FRY: variants seen among roughly 807,000 people sequenced by gnomAD.
FRY encodes the protein protein furry homolog.
A neutral mutation model predicts 348.4 loss-of-function variants in FRY; 128 were observed. The observed-to-expected ratio is 0.37, with a 90% CI of 0.32 to 0.43. FRY has a LOEUF of 0.43. Ranked by LOEUF, FRY falls within the 20% of genes least tolerant of loss-of-function variation. The pLI, the probability that FRY is intolerant of heterozygous loss-of-function variation, is 1.00. For synonymous variants in FRY, 1,370 were observed against 1,374.7 expected, an observed-to-expected ratio of 1.00 and a Z score of 0.08; for missense variants, 2,736 against 3,695.2, an observed-to-expected ratio of 0.74 and a Z score of 6.73.
At position 32,265,622 on chromosome 13, in the gene FRY, G is replaced by A; in HGVS notation, c.7946+6G>A. On this transcript the variant is annotated splice_donor_region_variant and intron_variant, in intron 54 of 60. Transcript: ENST00000542859. ...GACCAGTTTACCCTGGCGAGGTAAT[G>A]GAGCCCTTGGCTGATGTGAGTGGTG... The A allele has an allele frequency of 1.2e-6, 2 of 1,613,386 alleles. No homozygotes were observed. The highest frequency in any genetic ancestry group is 1.7e-6 in the Non-Finnish European group (2 of 1,179,580).
intron 2 of FRY, among the ~76,000 whole-genome samples, chr13:32,099,497 T>G (rs535001754): frequency 6.6e-6 from 1 of 152,044 alleles, no homozygotes; most frequent in African/African-American, 2.4e-5. Context: ...AAAATTCAAG[T>G]TGTCCGAGTT....
chr13:32,052,826 G>A (rs1348089091), intron 1 of FRY, among the ~76,000 whole-genome samples: 1 of 152,160 alleles, frequency 6.6e-6, no homozygotes. Flanking sequence ...TAAAAATTAA[G>A]TTTCTGGCTG....
At chr13:32,049,672 G>A (rs865906168) in intron 1 of FRY, among the ~76,000 whole-genome samples, 3 of 152,286 alleles carry the variant, frequency 2.0e-5, no homozygotes, top group Admixed American at 6.5e-5. Flanking sequence ...GAGAATGGAG[G>A]TAGGGACAAT....
chr13:32,124,783 T>C lies in FRY; in HGVS notation c.636-12T>C, dbSNP rs751596779. ...CAGGGATCCCTAACTTGTCTAATTATACCCTACTTAGGTACCTTGGTCCCA... is the reference window on the plus strand; with the variant it reads ...CAGGGATCCCTAACTTGTCTAATTACACCCTACTTAGGTACCTTGGTCCCA... On this transcript the variant is annotated splice_polypyrimidine_tract_variant and intron_variant, in intron 6 of 60. Transcript: ENST00000542859. The C allele has an allele frequency of 5.0e-6, 8 of 1,597,200 alleles. No homozygotes were observed. The South Asian group carries it at 8.8e-5, about 18-fold the overall frequency.
intron 1 of FRY, among the ~76,000 whole-genome samples, chr13:32,065,303 A>AT (rs1354171901): frequency 1.3e-5 from 2 of 152,090 alleles, no homozygotes; most frequent in Non-Finnish European, 2.9e-5. Flanking sequence ...TTTCACTCTA[A>AT]TTAAAAAAAA....
At position 32,124,354 on chromosome 13, in the gene FRY, T is replaced by G. The variant is rs1292255604; in HGVS notation, c.533T>G (p.Val178Gly). The G allele has an allele frequency of 1.3e-6, 2 of 1,569,868 alleles. No individual in the cohort carries two copies. ...DLAIDFIFSL[V>G]LIEVLKQIPL... ...GCCATTGATTTTATTTTTTCTTTAGTATTAATAGAAGTTTTGAAACAGGTA... is the reference window on the plus strand; with the variant it reads ...GCCATTGATTTTATTTTTTCTTTAGGATTAATAGAAGTTTTGAAACAGGTA... Residue 178 changes from valine (V) to glycine (G), a missense_variant, in exon 5 of 61, where the codon GTA (valine) becomes GGA (glycine). Transcript: ENST00000542859.
chr13:32,116,244 C>T (rs76567041), intron 3 of FRY, among the ~76,000 whole-genome samples: 5,250 of 152,056 alleles, frequency 0.035, 94 homozygotes, highest in African/African-American at 0.049. Flanking sequence ...TTTCTATCAG[C>T]GGTATATGAA....
intron 35 of FRY, among the ~76,000 whole-genome samples, chr13:32,214,609 A>T (rs1189998925): frequency 3.9e-5 from 6 of 152,160 alleles, no homozygotes; most frequent in Non-Finnish European, 8.8e-5. Context: ...GGCATTTTAA[A>T]GTGTTTATTT....
intron 19 of FRY, among the ~76,000 whole-genome samples, chr13:32,175,217 C>T (rs1191952109): frequency 1.3e-5 from 2 of 152,084 alleles, no homozygotes; most frequent in Non-Finnish European, 2.9e-5. Context: ...TTCTACTCCT[C>T]GAAATTAATA....
intron 3 of FRY, among the ~76,000 whole-genome samples, chr13:32,109,109 G>C (rs1199798463): frequency 6.6e-6 from 1 of 152,142 alleles, no homozygotes; most frequent in Admixed American, 6.5e-5. Context: ...TAAAATGGAG[G>C]CAGTGAGACT....
rs974761669 is a variant in FRY at position 32,210,779 on chromosome 13, A to C, written c.4423-87A>C. 17 of 1,071,216 alleles carry C rather than the reference A, an allele frequency of 1.6e-5. No homozygotes were observed. In the African/African-American group the frequency reaches 2.6e-4, roughly 17 times the overall value. The allele number at this position is 1,071,216 out of a possible 1,614,324, so 66.4% of individuals were successfully genotyped here. ...CGGTGACAGCTCCTGCATGATGACA[A>C]CTTATCTAAATGAGAGGTTTACTGG... On this transcript the variant is annotated intron_variant, in intron 33 of 60. Transcript: ENST00000542859.
At position 32,239,547 on chromosome 13, in the gene FRY, G is replaced by C. The variant is rs767946373; in HGVS notation, c.6517-164G>C. ...CTTTCATTCTTGAGAATGCAGGTGG[G>C]AAGAATTTGTGAAAATTATATTAGC... On this transcript the variant is annotated intron_variant, in intron 45 of 60. Transcript: ENST00000542859. This position sits in a 1 kb window ranked among gnomAD's most constrained non-coding sequence, Gnocchi z 4.3. Among the ~76,000 whole-genome samples, 1 of 152,222 alleles carries C rather than the reference G, an allele frequency of 6.6e-6. No individual in the cohort carries two copies. The highest frequency in any genetic ancestry group is 2.4e-5 in the African/African-American group (1 of 41,448).
intron 16 of FRY, among the ~76,000 whole-genome samples, chr13:32,159,145 A>G (rs985168490): frequency 3.9e-5 from 6 of 152,046 alleles, no homozygotes; most frequent in South Asian, 2.1e-4. Context: ...ACTTTTTCCT[A>G]TTCAAACATC....
intron 1 of FRY, among the ~76,000 whole-genome samples, chr13:32,049,235 G>A (rs1873191396): frequency 6.6e-6 from 1 of 152,178 alleles, no homozygotes; most frequent in South Asian, 2.1e-4. Flanking sequence ...TTACAGAGAA[G>A]AGGGGGAAAG....
chr13:32,114,695 A>G (rs1285981718), intron 3 of FRY, among the ~76,000 whole-genome samples: 1 of 152,234 alleles, frequency 6.6e-6, no homozygotes, highest in Non-Finnish European at 1.5e-5. Context: ...AGAAACTCTG[A>G]ATTCTGATCC....
intron 46 of FRY, among the ~76,000 whole-genome samples, chr13:32,241,503 C>T (rs894100274): frequency 2.0e-5 from 3 of 152,014 alleles, no homozygotes; most frequent in Non-Finnish European, 2.9e-5. Flanking sequence ...CAGGGCAGTT[C>T]GTAGTGGAGA....
chr13:32,221,654 A>G (rs1885321272), intron 36 of FRY, among the ~76,000 whole-genome samples: 1 of 152,200 alleles, frequency 6.6e-6, no homozygotes, highest in Admixed American at 6.5e-5. Context: ...CTAGGACTAC[A>G]GGTGTGTGCC....
At position 32,164,280 on chromosome 13, in the gene FRY, G is replaced by T. The variant is rs1881607830; in HGVS notation, c.1892+3029G>T. On this transcript the variant is annotated intron_variant, in intron 17 of 60. Transcript: ENST00000542859. ...ATATATGGTCTAGTCAGAGAGGAGT[G>T]AGACCTGTTATTTCTGACACTTCAC... Among the ~76,000 whole-genome samples the T allele has an allele frequency of 2.6e-5, 4 of 152,202 alleles. No homozygotes were observed. The East Asian group carries it at 7.7e-4, about 29-fold the overall frequency.
At chr13:32,226,094 G>A (rs1171808485) in intron 39 of FRY, 120 bp downstream of exon 39, 5 of 795,424 alleles carry the variant, frequency 6.3e-6, no homozygotes, top group African/African-American at 1.7e-5. Context: ...CTTTCCACGT[G>A]GTAAATCAAC....
Sources: allele counts gnomAD v4.1 joint callset (sites outside exome capture counted in the v4.1 genomes callset), GRCh38; gene constraint gnomAD v4.1.1; non-coding constraint Gnocchi (gnomAD v3.1); transcripts MANE v1.5; gene names NCBI Gene and HGNC (gene_info 2026-07-23, HGNC 2026-07-21).